Variants in GRIK2 observed in about 807,000 individuals in gnomAD.
GRIK2 encodes glutamate receptor ionotropic, kainate 2.
In GRIK2, 32 loss-of-function variants were observed where a neutral mutation model predicts 100.3. The ratio of observed to expected loss-of-function variants is 0.32; its 90% CI spans 0.24 to 0.43. The LOEUF is 0.43. Among genes scored for constraint, GRIK2 ranks in the 20% least tolerant of loss-of-function variants. The probability of loss-of-function intolerance (pLI) is 1.00; values close to 1 mark genes in which losing one functional copy is unlikely to be tolerated. For missense variants in GRIK2, 843 were observed against 1,114.9 expected, an observed-to-expected ratio of 0.76 and a Z score of 3.47; for synonymous variants, 417 against 389.4, an observed-to-expected ratio of 1.07 and a Z score of -0.83.
In GRIK2 at chr6:101,854,050, C is replaced by G. The variant is rs150691858; in HGVS notation, c.1318-5237C>G. Among the ~76,000 whole-genome samples the G allele has an allele frequency of 3.3e-5, 5 of 152,094 alleles. No homozygotes were observed. The East Asian group carries it at 7.7e-4, about 24-fold the overall frequency. ...GTCAAAACTCATAAAATAGACAACA[C>G]CAAGAATGTGCCCATAAGGTAAACT... On this transcript the variant is annotated intron_variant, in intron 10 of 16. Coordinates refer to ENST00000369134, the MANE Select transcript of GRIK2 (RefSeq NM_021956.5).
At chr6:101,823,485 C>T (rs946444673) in intron 10 of GRIK2, among the ~76,000 whole-genome samples, 1 of 151,834 alleles carries the variant, frequency 6.6e-6, no homozygotes, top group African/African-American at 2.4e-5. Context: ...TTCCATATTG[C>T]CTCTTTCATC....
At chr6:101,565,959 A>ATATATATATATATAT (rs71547433) in intron 2 of GRIK2, among the ~76,000 whole-genome samples, 2 of 143,448 alleles carry the variant, frequency 1.4e-5, no homozygotes, top group Non-Finnish European at 3.0e-5. Context: ...ATATATATAT[A>ATATATATATATATAT]AGCAAACTAG....
chr6:101,843,000 C>A (rs1216661565), intron 10 of GRIK2, among the ~76,000 whole-genome samples: 1 of 152,132 alleles, frequency 6.6e-6, no homozygotes, highest in Non-Finnish European at 1.5e-5. Context: ...AAATAGAATT[C>A]TAGTCATTGA....
chr6:101,636,595 C>T (rs1259507987), intron 4 of GRIK2, among the ~76,000 whole-genome samples: 1 of 151,752 alleles, frequency 6.6e-6, no homozygotes, highest in Non-Finnish European at 1.5e-5. Flanking sequence ...GTTTTAAAAC[C>T]TTTAAAATAT....
chr6:101,652,119 A>C (rs1264019588), intron 4 of GRIK2, among the ~76,000 whole-genome samples: 1 of 152,172 alleles, frequency 6.6e-6, no homozygotes, highest in African/African-American at 2.4e-5. Flanking sequence ...ATGGAGGTTA[A>C]AACTTGATTA....
intron 7 of GRIK2, among the ~76,000 whole-genome samples, chr6:101,728,607 G>C (rs1040141299): frequency 2.6e-5 from 4 of 151,624 alleles, no homozygotes; most frequent in African/African-American, 2.4e-5. Flanking sequence ...GTGTAGTCTT[G>C]GTTACTTACC....
At chr6:101,460,675 G>A (rs1250295699) in intron 2 of GRIK2, among the ~76,000 whole-genome samples, 2 of 152,068 alleles carry the variant, frequency 1.3e-5, no homozygotes, top group Non-Finnish European at 2.9e-5. Context: ...GAACAGTAGG[G>A]GGTTATCTCC....
intron 7 of GRIK2, among the ~76,000 whole-genome samples, chr6:101,695,988 TAAA>T (rs896713835): frequency 6.6e-6 from 1 of 151,838 alleles, no homozygotes; most frequent in Non-Finnish European, 1.5e-5. Flanking sequence ...CATCATAAAA[TAAA>T]AAAAATCACA....
At chr6:101,835,708 A>C (rs1018428591) in intron 10 of GRIK2, among the ~76,000 whole-genome samples, 1 of 145,350 alleles carries the variant, frequency 6.9e-6, no homozygotes, top group South Asian at 2.2e-4. Flanking sequence ...CAGGTGATCC[A>C]CCCGCCTCGG....
rs185067162 is a variant in GRIK2 at position 101,495,562 on chromosome 6, C to T, written c.115+96170C>T. 3.3e-5 allele frequency among the ~76,000 whole-genome samples: 5 copies of T among 152,020 alleles called. No homozygotes were observed. In the East Asian group the frequency reaches 9.6e-4, roughly 29 times the overall value. Reference sequence around the variant, plus strand: ...GATGCAGATAAAATTGGATTGGTTTCCATACATTATGCAAAGTTTGTTGAC... The same window carrying T: ...GATGCAGATAAAATTGGATTGGTTTTCATACATTATGCAAAGTTTGTTGAC... On this transcript the variant is annotated intron_variant, in intron 2 of 16. Transcript: ENST00000369134.
intron 15 of GRIK2, among the ~76,000 whole-genome samples, chr6:102,041,326 T>TATTA (rs1408492019): frequency 6.6e-6 from 1 of 151,718 alleles, no homozygotes; most frequent in African/African-American, 2.4e-5. Flanking sequence ...TTCATTTACT[T>TATTA]ATTAGTCCAA....
intron 14 of GRIK2, among the ~76,000 whole-genome samples, chr6:102,019,461 AT>A (rs1186080808): frequency 6.6e-6 from 1 of 152,024 alleles, no homozygotes; most frequent in Non-Finnish European, 1.5e-5. Context: ...CCAGACTAAC[AT>A]TCTTACTCAG....
chr6:101,872,559 A>G (rs1045527695), intron 11 of GRIK2, among the ~76,000 whole-genome samples: 3 of 151,814 alleles, frequency 2.0e-5, no homozygotes, highest in Non-Finnish European at 4.4e-5. Context: ...AGGAACCACA[A>G]TTCAAGATTA....
At chr6:101,710,108 T>G (rs1773595679) in intron 7 of GRIK2, among the ~76,000 whole-genome samples, 1 of 151,892 alleles carries the variant, frequency 6.6e-6, no homozygotes, top group Non-Finnish European at 1.5e-5. Flanking sequence ...TTAGGTTGAT[T>G]TGATCAGAAT....
intron 2 of GRIK2, among the ~76,000 whole-genome samples, chr6:101,521,332 A>C (rs1001839460): frequency 1.3e-5 from 2 of 152,026 alleles, no homozygotes; most frequent in African/African-American, 2.4e-5. Flanking sequence ...TGAAAATAAA[A>C]CTATTAAGAC....
intron 14 of GRIK2, among the ~76,000 whole-genome samples, chr6:102,003,292 G>A (rs1056045031): frequency 1.3e-5 from 2 of 151,410 alleles, no homozygotes; most frequent in African/African-American, 4.8e-5. Context: ...ACATATATGT[G>A]TGAATAAACA....
In GRIK2 at chr6:101,859,510, A is replaced by G. The variant is rs926862087; in HGVS notation, c.1524+17A>G. ...ATTGATCATGTAAGTCCCTTCCCTC[A>G]TGATTTATTAGTTTGTTATGTTGCT... On this transcript the variant is annotated intron_variant, in intron 11 of 16. Transcript: ENST00000369134. 17 of 1,415,572 alleles carry G rather than the reference A, an allele frequency of 1.2e-5. No individual in the cohort carries two copies. Among genetic ancestry groups the G allele is most frequent in the Non-Finnish European group, 1.4e-5 (14 of 1,004,752 alleles). 87.7% of individuals were successfully genotyped at this position (1,415,572 alleles called of 1,614,324 possible).
At chr6:101,766,397 A>T (rs571952944) in intron 7 of GRIK2, among the ~76,000 whole-genome samples, 2 of 152,320 alleles carry the variant, frequency 1.3e-5, no homozygotes, top group East Asian at 3.9e-4. Context: ...GATATCCTGA[A>T]GAGTTCCTGA....
intron 2 of GRIK2, among the ~76,000 whole-genome samples, chr6:101,603,258 C>G (rs879514588): frequency 2.6e-5 from 4 of 151,488 alleles, no homozygotes; most frequent in Non-Finnish European, 5.9e-5. Flanking sequence ...GACATCAAGC[C>G]AAAGGGGATA....
Sources: gnomAD v4.1 joint callset for allele counts (sites outside exome capture counted in the v4.1 genomes callset) on GRCh38, gnomAD v4.1.1 for gene constraint, MANE v1.5 for transcripts, NCBI Gene and HGNC (gene_info 2026-07-23, HGNC 2026-07-21) for gene names.